PPP4R3A: variants seen among roughly 807,000 people sequenced by gnomAD.
PPP4R3A encodes the protein protein phosphatase 4 regulatory subunit 3A.
Under a neutral mutation model 91.7 loss-of-function variants are expected in PPP4R3A, and 15 were observed. The ratio of observed to expected loss-of-function variants is 0.16; its 90% CI spans 0.11 to 0.25. The LOEUF is 0.25. Ranked by LOEUF, PPP4R3A falls within the 10% of genes least tolerant of loss-of-function variation. The probability of loss-of-function intolerance (pLI) is 1.00; values close to 1 mark genes in which losing one functional copy is unlikely to be tolerated. For synonymous variants in PPP4R3A, 377 were observed against 348.7 expected (o/e 1.08, Z -0.91); for missense variants, 623 against 998.4 (o/e 0.62, Z 5.07).
intron 1 of PPP4R3A, among the ~76,000 whole-genome samples, chr14:91,501,871 ATTTTTTTTTTT>A (rs755484959): frequency 1.4e-4 from 14 of 100,238 alleles, no homozygotes; most frequent in African/African-American, 3.9e-5. Context: ...AGCCCGGCTA[ATTTTTTTTTTT>A]TTTTTTTTTT....
At chr14:91,459,741 A>AC (rs951753877) in intron 14 of PPP4R3A, among the ~76,000 whole-genome samples, 91 of 151,978 alleles carry the variant, frequency 6.0e-4, no homozygotes, top group African/African-American at 2.1e-3. Flanking sequence ...AGGCTGAGGC[A>AC]CAAGAATCGC....
At chr14:91,459,427 G>A (rs1355481438) in intron 14 of PPP4R3A, among the ~76,000 whole-genome samples, 1 of 152,088 alleles carries the variant, frequency 6.6e-6, no homozygotes, top group Non-Finnish European at 1.5e-5. Flanking sequence ...AATTTAAGTA[G>A]TTTATAATCC....
chr14:91,488,605 A>C (rs1890036918), intron 2 of PPP4R3A, among the ~76,000 whole-genome samples: 2 of 152,234 alleles, frequency 1.3e-5, no homozygotes, highest in South Asian at 4.1e-4. Flanking sequence ...ATTTGCAGTT[A>C]ATCTATAATT....
chr14:91,483,058 G>T (rs1026530728), intron 3 of PPP4R3A, among the ~76,000 whole-genome samples: 18 of 152,270 alleles, frequency 1.2e-4, no homozygotes, highest in African/African-American at 4.3e-4. Context: ...TATGCCACTG[G>T]AGGGGCTCTT....
At chr14:91,462,561 C>T (rs970778361) in intron 12 of PPP4R3A, among the ~76,000 whole-genome samples, 174 bp downstream of exon 12, 19 of 150,634 alleles carry the variant, frequency 1.3e-4, no homozygotes, top group African/African-American at 4.4e-4. Context: ...TACTAATAAC[C>T]AGCCTAATCT....
At chr14:91,483,043 A>C (rs1483665508) in intron 3 of PPP4R3A, among the ~76,000 whole-genome samples, 1 of 152,180 alleles carries the variant, frequency 6.6e-6, no homozygotes, top group Non-Finnish European at 1.5e-5. Flanking sequence ...CATAAAACCT[A>C]ATTTTATGCC....
Position 91,469,415 on chromosome 14 carries a change from A to C in PPP4R3A, c.1660+1422T>G, listed in dbSNP as rs1370441965. Among the ~76,000 whole-genome samples the C allele has an allele frequency of 2.0e-5, 3 of 152,296 alleles. No individual in the cohort carries two copies. In the East Asian group the frequency reaches 5.8e-4, roughly 29 times the overall value. On this transcript the variant is annotated intron_variant, in intron 10 of 14. Coordinates refer to ENST00000554943, the MANE Select transcript of PPP4R3A (RefSeq NM_001366432.2). ...ACTCTATTGTCAACATAAAAGAACA[A>C]GTCAAAGAGCTATAAACTCCCCCTC... is the stretch of plus-strand genomic sequence containing the variant.
At chr14:91,484,457 A>C (rs192895968) in intron 3 of PPP4R3A, among the ~76,000 whole-genome samples, 186 of 152,250 alleles carry the variant, frequency 1.2e-3, no homozygotes, top group African/African-American at 4.4e-3. Flanking sequence ...CCATTCATTT[A>C]TGTGCTGTCT....
intron 3 of PPP4R3A, among the ~76,000 whole-genome samples, chr14:91,482,565 C>G (rs902567144): frequency 3.9e-5 from 6 of 152,052 alleles, no homozygotes; most frequent in Non-Finnish European, 5.9e-5. Flanking sequence ...TCCAGCAGAC[C>G]AAGGCAAGTC....
chr14:91,462,474 C>T (rs778624727), intron 12 of PPP4R3A, among the ~76,000 whole-genome samples: 8 of 149,184 alleles, frequency 5.4e-5, no homozygotes, highest in Non-Finnish European at 1.0e-4. Context: ...ATTTGGAACA[C>T]ATGAAGCCTC....
At chr14:91,469,819 CT>C (rs1888733275) in intron 10 of PPP4R3A, among the ~76,000 whole-genome samples, 1 of 152,048 alleles carries the variant, frequency 6.6e-6, no homozygotes, top group Non-Finnish European at 1.5e-5. Flanking sequence ...CAGCCTCATC[CT>C]CCCAAAGTGC....
intron 1 of PPP4R3A, among the ~76,000 whole-genome samples, chr14:91,498,121 T>A (rs913818553): frequency 2.0e-5 from 3 of 152,136 alleles, no homozygotes; most frequent in Non-Finnish European, 4.4e-5. Flanking sequence ...AATCACTTGA[T>A]GTCAGGAATT....
intron 14 of PPP4R3A, among the ~76,000 whole-genome samples, chr14:91,460,662 G>A (rs1351203036): frequency 2.2e-5 from 2 of 90,342 alleles, no homozygotes; most frequent in Non-Finnish European, 4.0e-5. Flanking sequence ...TTTTTGAGAT[G>A]GAGTCTCGCT....
At chr14:91,504,405 C>T (rs181545620) in intron 1 of PPP4R3A, among the ~76,000 whole-genome samples, 96 of 151,134 alleles carry the variant, frequency 6.4e-4, no homozygotes, top group African/African-American at 1.2e-3. Context: ...AGTTCGAGAT[C>T]GGCCTGGCCA....
At position 91,476,841 on chromosome 14, in the gene PPP4R3A, C is replaced by CA. The variant is rs1158420189; in HGVS notation, c.993+67dup. On this transcript the variant is annotated intron_variant, in intron 5 of 14. Coordinates refer to ENST00000554943, the MANE Select transcript of PPP4R3A (RefSeq NM_001366432.2). ...CGGCCTCCCAAAGTGCTGGGATTTACAGGCGTGAGCCACCAAGCCCGGCCA... is the reference window on the plus strand; with the variant it reads ...CGGCCTCCCAAAGTGCTGGGATTTACAAGGCGTGAGCCACCAAGCCCGGCCA... The CA allele has an allele frequency of 4.5e-6, 6 of 1,345,652 alleles. No individual in the cohort carries two copies. The Admixed American group carries it at 8.6e-5, about 19-fold the overall frequency. 83.4% of individuals were successfully genotyped at this position (1,345,652 alleles called of 1,614,324 possible).
intron 4 of PPP4R3A, 120 bp from the exon 5 acceptor site, chr14:91,477,106 C>CT: frequency 1.9e-6 from 1 of 524,838 alleles, no homozygotes; most frequent in African/African-American, 3.7e-5. Context: ...ATTGGCAATG[C>CT]TGTCTTTTTT....
At chr14:91,471,489 C>T (rs1265984180) in intron 9 of PPP4R3A, among the ~76,000 whole-genome samples, 1 of 152,112 alleles carries the variant, frequency 6.6e-6, no homozygotes, top group African/African-American at 2.4e-5. Context: ...TAATCATTGA[C>T]TTATCTTTAC....
intron 10 of PPP4R3A, chr14:91,466,477 T>A: frequency 3.1e-6 from 3 of 979,594 alleles, no homozygotes; most frequent in Non-Finnish European, 3.6e-6. Context: ...AGAAAAGAGG[T>A]CCACAAGTGA....
At chr14:91,488,278 A>G (rs554271242) in intron 2 of PPP4R3A, among the ~76,000 whole-genome samples, 1 of 152,338 alleles carries the variant, frequency 6.6e-6, no homozygotes, top group South Asian at 2.1e-4. Flanking sequence ...ATAACTGTCA[A>G]TCATGAGACC....
Sources: allele counts gnomAD v4.1 joint callset (sites outside exome capture counted in the v4.1 genomes callset), GRCh38; gene constraint gnomAD v4.1.1; transcripts MANE v1.5; gene names NCBI Gene and HGNC (gene_info 2026-07-23, HGNC 2026-07-21).